The following MYT1L variants were observed in gnomAD, a reference collection of about 807,000 sequenced individuals.
The protein encoded by MYT1L is myelin transcription factor 1-like protein.
Under a neutral mutation model 126.7 loss-of-function variants are expected in MYT1L, and 12 were observed. That is an observed-to-expected ratio of 0.09 (90% CI 0.06 to 0.15). The LOEUF is 0.15. MYT1L is among the 10% of genes least tolerant of loss of function. MYT1L has a pLI of 1.00. For synonymous variants in MYT1L, 541 were observed against 604.2 expected, an observed-to-expected ratio of 0.90 and a Z score of 1.53; for missense variants, 979 against 1,585.2, an observed-to-expected ratio of 0.62 and a Z score of 6.49.
chr2:1,948,826 G>A (rs1340892542), intron 8 of MYT1L, among the ~76,000 whole-genome samples: 1 of 152,166 alleles, frequency 6.6e-6, no homozygotes, highest in Non-Finnish European at 1.5e-5. Context: ...ACATCATTCT[G>A]CAAGACTGAG....
intron 2 of MYT1L, among the ~76,000 whole-genome samples, chr2:2,267,252 G>T (rs1018214649): frequency 6.6e-6 from 1 of 152,016 alleles, no homozygotes; most frequent in East Asian, 1.9e-4. Flanking sequence ...GGCACGTGGG[G>T]CAGACTTTGG....
At chr2:2,017,348 G>T (rs942193278) in intron 4 of MYT1L, among the ~76,000 whole-genome samples, 1 of 152,236 alleles carries the variant, frequency 6.6e-6, no homozygotes, top group African/African-American at 2.4e-5. Flanking sequence ...CATAGGAAGG[G>T]CTTTGTGATT....
intron 5 of MYT1L, among the ~76,000 whole-genome samples, chr2:1,996,800 C>T (rs1402217002): frequency 9.2e-5 from 12 of 130,686 alleles, no homozygotes; most frequent in African/African-American, 1.2e-4. Context: ...GAGCGAGGGC[C>T]GCCCTGCCTC....
intron 2 of MYT1L, among the ~76,000 whole-genome samples, chr2:2,260,824 G>T (rs1253502124): frequency 6.6e-6 from 1 of 152,164 alleles, no homozygotes; most frequent in Non-Finnish European, 1.5e-5. Context: ...CGGACACTCA[G>T]CTGGCTGCTC....
At chr2:2,075,133 G>A (rs1365326168) in intron 3 of MYT1L, among the ~76,000 whole-genome samples, 4 of 152,220 alleles carry the variant, frequency 2.6e-5, no homozygotes, top group African/African-American at 9.6e-5. Context: ...AGAGAAGCCT[G>A]AATGCAAAGT....
chr2:1,851,600 A>C (rs2148529915), intron 19 of MYT1L, 41 bp downstream of exon 19: 1 of 1,581,014 alleles, frequency 6.3e-7, no homozygotes, highest in Middle Eastern at 1.7e-4. Context: ...CATTTCAGTG[A>C]GAAAGAGCAT....
chr2:1,896,376 C>T (rs1325802890), intron 14 of MYT1L, among the ~76,000 whole-genome samples: 1 of 152,208 alleles, frequency 6.6e-6, no homozygotes, highest in African/African-American at 2.4e-5. Flanking sequence ...CAGAAAGACA[C>T]ATGCACTCGT....
intron 1 of MYT1L, among the ~76,000 whole-genome samples, chr2:2,297,631 G>T (rs189798554): frequency 1.3e-5 from 2 of 152,294 alleles, no homozygotes; most frequent in African/African-American, 4.8e-5. Flanking sequence ...GCCAACAGTT[G>T]CATGTGCCAC....
intron 8 of MYT1L, among the ~76,000 whole-genome samples, chr2:1,976,656 C>A (rs1352495108): frequency 6.6e-6 from 1 of 152,082 alleles, no homozygotes; most frequent in African/African-American, 2.4e-5. Context: ...AAACAAAAAA[C>A]CAGGCAGATA....
chr2:2,012,324 G>A (rs767263366), intron 4 of MYT1L, among the ~76,000 whole-genome samples: 3 of 152,212 alleles, frequency 2.0e-5, no homozygotes, highest in Non-Finnish European at 4.4e-5. Context: ...CGACATAAAT[G>A]AAGGTTTAAC....
In MYT1L at chr2:1,928,276, A is replaced by T. The variant is rs144819623; in HGVS notation, c.506-5013T>A. Among the ~76,000 whole-genome samples, 3 of 152,302 alleles carry T rather than the reference A, an allele frequency of 2.0e-5. No individual in the cohort carries two copies. The East Asian group carries it at 5.8e-4, about 29-fold the overall frequency. The stretch of plus-strand genomic sequence containing the variant: ...ATATACCACATTTCCTTCTGTGCAG[A>T]GGAAATGAAGTTGGTGACTACAGAA... On this transcript the variant is annotated intron_variant, in intron 9 of 24. Transcript: ENST00000647738.
chr2:2,295,597 G>GAGAGAGAGAT (rs2095665412), intron 1 of MYT1L, among the ~76,000 whole-genome samples: 4 of 93,004 alleles, frequency 4.3e-5, no homozygotes, highest in African/African-American at 1.0e-4. Flanking sequence ...GACAGACAGA[G>GAGAGAGAGAT]AGAGAGACAG....
intron 4 of MYT1L, among the ~76,000 whole-genome samples, chr2:2,029,588 G>A (rs1404159494): frequency 6.6e-6 from 1 of 152,056 alleles, no homozygotes; most frequent in African/African-American, 2.4e-5. Flanking sequence ...ACTTGGGTGG[G>A]GACACAGCAA....
intron 2 of MYT1L, among the ~76,000 whole-genome samples, chr2:2,270,949 A>G (rs1379625104): frequency 1.3e-5 from 2 of 152,184 alleles, no homozygotes; most frequent in South Asian, 2.1e-4. Context: ...CGAGTTTATT[A>G]TGTCAGAATG....
intron 18 of MYT1L, among the ~76,000 whole-genome samples, chr2:1,855,186 G>A (rs1016710059): frequency 6.6e-6 from 1 of 152,218 alleles, no homozygotes; most frequent in African/African-American, 2.4e-5. Flanking sequence ...ATGTTCTGAA[G>A]TCGATGGATG....
chr2:1,912,400 A>G lies in MYT1L; in HGVS notation c.1619-290T>C, dbSNP rs370186485. Among the ~76,000 whole-genome samples, 4 of 152,338 alleles carry G rather than the reference A, an allele frequency of 2.6e-5. No individual in the cohort carries two copies. The East Asian group carries it at 5.8e-4, about 22-fold the overall frequency. ...GGACTCTATGCTAAGGGCCTCACAC[A>G]GCAGAGGCGCTGGAGCCAGGAGCTG... is the stretch of plus-strand genomic sequence containing the variant. On this transcript the variant is annotated intron_variant, in intron 11 of 24. Coordinates refer to ENST00000647738, the MANE Select transcript of MYT1L (RefSeq NM_001303052.2). This position sits in a 1 kb window ranked among gnomAD's most constrained non-coding sequence, Gnocchi z 4.3.
Position 1,806,753 on chromosome 2 carries a change from G to A in MYT1L, c.3172+2323C>T, listed in dbSNP as rs1306943499. On this transcript the variant is annotated intron_variant, in intron 22 of 24. Transcript: ENST00000647738. This position sits in a 1 kb window ranked among gnomAD's most constrained non-coding sequence, Gnocchi z 4.9. The stretch of plus-strand genomic sequence containing the variant: ...TAGGATTGGCAGATCTGTTCTCTCC[G>A]TATTTTCTTTCCTTTTCTGTTTTGA... Among the ~76,000 whole-genome samples the A allele has an allele frequency of 2.0e-5, 3 of 152,078 alleles. No individual in the cohort carries two copies. The highest frequency in any genetic ancestry group is 1.3e-4 in the Admixed American group (2 of 15,272).
At chr2:2,033,941 A>G (rs2066709211) in intron 4 of MYT1L, among the ~76,000 whole-genome samples, 1 of 152,176 alleles carries the variant, frequency 6.6e-6, no homozygotes, top group Non-Finnish European at 1.5e-5. Flanking sequence ...GAAGGGGTGC[A>G]TTACAGAGAG....
chr2:2,151,361 A>T (rs192502997), intron 3 of MYT1L, among the ~76,000 whole-genome samples: 1 of 152,278 alleles, frequency 6.6e-6, no homozygotes, highest in East Asian at 1.9e-4. Flanking sequence ...GCTTACTTAG[A>T]AGAAAAACAG....
Sources: allele counts gnomAD v4.1 joint callset (sites outside exome capture counted in the v4.1 genomes callset), GRCh38; gene constraint gnomAD v4.1.1; non-coding constraint Gnocchi (gnomAD v3.1); transcripts MANE v1.5; gene names NCBI Gene and HGNC (gene_info 2026-07-23, HGNC 2026-07-21).